The following ARHGAP15 variants were observed in gnomAD, a reference collection of about 807,000 sequenced individuals.
The protein encoded by ARHGAP15 is Rho GTPase activating protein 15, also known as rho GTPase-activating protein 15.
A neutral mutation model predicts 63.7 loss-of-function variants in ARHGAP15; 51 were observed. That is an observed-to-expected ratio of 0.80 (90% CI 0.64 to 1.01). The LOEUF (loss-of-function observed/expected upper bound fraction) is 1.01, where lower values mean the gene tolerates loss of function less well. Ranked by LOEUF, ARHGAP15 falls within the 50% of genes least tolerant of loss-of-function variation. The probability of loss-of-function intolerance (pLI) is 0.00; values close to 1 mark genes in which losing one functional copy is unlikely to be tolerated. For synonymous variants in ARHGAP15, 191 were observed against 193.8 expected (o/e 0.99, Z 0.12); for missense variants, 560 against 564.6 (o/e 0.99, Z 0.08).
chr2:143,519,149 A>T (rs1693949985), intron 9 of ARHGAP15, 117 bp from the exon 10 acceptor site: 1 of 742,204 alleles, frequency 1.3e-6, no homozygotes, highest in Non-Finnish European at 2.2e-6. Context: ...AATAAAGCAA[A>T]AAAAAAATCT....
intron 6 of ARHGAP15, among the ~76,000 whole-genome samples, chr2:143,301,042 T>C (rs567131104): frequency 1.3e-5 from 2 of 152,068 alleles, no homozygotes; most frequent in East Asian, 3.9e-4. Flanking sequence ...CTTAGTTTTT[T>C]TACCATCATC....
chr2:143,212,139 T>TA (rs71404467), intron 3 of ARHGAP15, among the ~76,000 whole-genome samples: 26,273 of 151,530 alleles, frequency 0.17, 2,461 homozygotes, highest in Middle Eastern at 0.25. Context: ...AGCCTTCTCA[T>TA]AAAAAAAAAT....
chr2:143,702,400 T>C (rs773583337), intron 12 of ARHGAP15, among the ~76,000 whole-genome samples: 7 of 152,190 alleles, frequency 4.6e-5, no homozygotes, highest in Non-Finnish European at 1.0e-4. Flanking sequence ...CCAGGAAATA[T>C]GCTATTTCAA....
chr2:143,174,462 A>G (rs1432446145), intron 2 of ARHGAP15, among the ~76,000 whole-genome samples: 1 of 152,156 alleles, frequency 6.6e-6, no homozygotes, highest in Non-Finnish European at 1.5e-5. Flanking sequence ...AACATACAAA[A>G]TACTCTAAAG....
chr2:143,154,634 G>A (rs1023523469), intron 1 of ARHGAP15, among the ~76,000 whole-genome samples: 1 of 151,892 alleles, frequency 6.6e-6, no homozygotes, highest in African/African-American at 2.4e-5. Flanking sequence ...GTAATGAGGT[G>A]CTGTGTTCAC....
chr2:143,153,843 TTCC>T (rs796483071), intron 1 of ARHGAP15, among the ~76,000 whole-genome samples: 22 of 86,886 alleles, frequency 2.5e-4, no homozygotes, highest in African/African-American at 1.0e-3. Flanking sequence ...CTTCTTCTTC[TTCC>T]TCCTCCTCCT....
chr2:143,735,020 A>T (rs1003414350), intron 13 of ARHGAP15, among the ~76,000 whole-genome samples: 1 of 152,220 alleles, frequency 6.6e-6, no homozygotes, highest in African/African-American at 2.4e-5. Flanking sequence ...CTTCAAATTA[A>T]AAAACGAAAT....
At chr2:143,526,765 AAAT>A (rs1694299996) in intron 10 of ARHGAP15, among the ~76,000 whole-genome samples, 1 of 152,228 alleles carries the variant, frequency 6.6e-6, no homozygotes, top group African/African-American at 2.4e-5. Context: ...AAGCAGAAGC[AAAT>A]AATAATAAGG....
chr2:143,262,250 A>C (rs1469793091), intron 6 of ARHGAP15, among the ~76,000 whole-genome samples: 1 of 152,156 alleles, frequency 6.6e-6, no homozygotes, highest in Non-Finnish European at 1.5e-5. Flanking sequence ...GCAATATTCA[A>C]ATTTACTTAT....
chr2:143,243,026 G>A (rs994837036), intron 5 of ARHGAP15, among the ~76,000 whole-genome samples: 5 of 152,258 alleles, frequency 3.3e-5, no homozygotes, highest in African/African-American at 1.2e-4. Context: ...TCCGAGCTTT[G>A]TCTCTCTTTT....
chr2:143,382,341 G>A (rs906472859), intron 6 of ARHGAP15, among the ~76,000 whole-genome samples: 4 of 152,144 alleles, frequency 2.6e-5, no homozygotes, highest in Non-Finnish European at 5.9e-5. Context: ...GAGGAATCAT[G>A]CCTTGCCTCT....
intron 11 of ARHGAP15, among the ~76,000 whole-genome samples, chr2:143,616,539 G>A (rs566292338): frequency 2.0e-5 from 3 of 152,298 alleles, no homozygotes; most frequent in East Asian, 3.9e-4. Context: ...AACGTGGCGT[G>A]CCAAAGTAGC....
chr2:143,398,625 A>G (rs1687869787), intron 6 of ARHGAP15, among the ~76,000 whole-genome samples: 1 of 152,076 alleles, frequency 6.6e-6, no homozygotes, highest in Non-Finnish European at 1.5e-5. Context: ...AACCTAATAT[A>G]TTGAGTTTTA....
intron 9 of ARHGAP15, among the ~76,000 whole-genome samples, chr2:143,501,170 C>T (rs995011566): frequency 2.0e-5 from 3 of 152,122 alleles, no homozygotes; most frequent in Non-Finnish European, 2.9e-5. Context: ...GGTGAGATTC[C>T]GAATACTCTA....
At chr2:143,715,429 G>A (rs1684768588) in intron 13 of ARHGAP15, among the ~76,000 whole-genome samples, 1 of 152,126 alleles carries the variant, frequency 6.6e-6, no homozygotes, top group African/African-American at 2.4e-5. Flanking sequence ...ACTAGTACTA[G>A]GAAATATTCC....
chr2:143,500,832 G>A (rs1370511730), intron 9 of ARHGAP15, among the ~76,000 whole-genome samples: 1 of 152,136 alleles, frequency 6.6e-6, no homozygotes, highest in Non-Finnish European at 1.5e-5. Flanking sequence ...TAGATATGTA[G>A]AGCAAAAGAG....
At chr2:143,574,044 T>C (rs1696568660) in intron 11 of ARHGAP15, among the ~76,000 whole-genome samples, 1 of 152,192 alleles carries the variant, frequency 6.6e-6, no homozygotes, top group Admixed American at 6.5e-5. Flanking sequence ...GGATGGTTTC[T>C]AGACTGTAGC....
intron 6 of ARHGAP15, among the ~76,000 whole-genome samples, chr2:143,271,555 A>C (rs1178382473): frequency 6.6e-6 from 1 of 152,236 alleles, no homozygotes; most frequent in African/African-American, 2.4e-5. Flanking sequence ...GTCTCACTGC[A>C]AGCTCCGCTT....
intron 12 of ARHGAP15, among the ~76,000 whole-genome samples, chr2:143,668,340 C>T (rs1354130529): frequency 1.3e-5 from 2 of 151,394 alleles, no homozygotes; most frequent in Non-Finnish European, 2.9e-5. Context: ...CAAAGTTAGG[C>T]GGCAGCTTTC....
Sources: gnomAD v4.1 joint callset for allele counts (sites outside exome capture counted in the v4.1 genomes callset) on GRCh38, gnomAD v4.1.1 for gene constraint, MANE v1.5 for transcripts, NCBI Gene and HGNC (gene_info 2026-07-23, HGNC 2026-07-21) for gene names.